CAPZA1: variants seen among roughly 807,000 people sequenced by gnomAD.
CAPZA1 encodes the protein capping actin protein of muscle Z-line subunit alpha 1.
Under a neutral mutation model 40.8 loss-of-function variants are expected in CAPZA1, and 10 were observed. The observed-to-expected ratio is 0.25, with a 90% confidence interval of 0.15 to 0.42. The LOEUF is 0.42. Ranked by LOEUF, CAPZA1 falls within the 10% of genes least tolerant of loss-of-function variation. CAPZA1 has a pLI of 1.00. For synonymous variants in CAPZA1, 98 were observed against 115.0 expected (o/e 0.85, Z 0.95); for missense variants, 277 against 353.8 (o/e 0.78, Z 1.74).
At chr1:112,632,489 G>T (rs1670939425) in intron 1 of CAPZA1, among the ~76,000 whole-genome samples, 1 of 152,004 alleles carries the variant, frequency 6.6e-6, no homozygotes, top group South Asian at 2.1e-4. Context: ...AGTAGGGAAT[G>T]AAGAACTTGA....
intron 7 of CAPZA1, among the ~76,000 whole-genome samples, chr1:112,662,947 T>C (rs933394538): frequency 1.3e-5 from 2 of 151,980 alleles, no homozygotes; most frequent in Admixed American, 6.6e-5. Context: ...TTTGTAATAA[T>C]TCCCCCCTGC....
chr1:112,624,186 A>C (rs1488302910), intron 1 of CAPZA1, among the ~76,000 whole-genome samples: 1 of 152,050 alleles, frequency 6.6e-6, no homozygotes, highest in African/African-American at 2.4e-5. Context: ...AAGTAGTGTA[A>C]ATTTGTCAGA....
chr1:112,639,387 G>A (rs567914572), intron 1 of CAPZA1, among the ~76,000 whole-genome samples: 77 of 152,186 alleles, frequency 5.1e-4, no homozygotes, highest in African/African-American at 1.8e-3. Context: ...ACTTGAACCC[G>A]AATTCAAATA....
intron 9 of CAPZA1, 122 bp from the exon 10 acceptor site, chr1:112,669,870 T>C (rs558190350): frequency 1.5e-4 from 159 of 1,083,778 alleles, no homozygotes; most frequent in Non-Finnish European, 2.1e-4. Flanking sequence ...TCATTGAAAA[T>C]AATATATCCT....
chr1:112,670,359 TTTC>T lies in CAPZA1; in HGVS notation c.*230_*232del. 2 of 336,462 alleles carry T rather than the reference TTTC, an allele frequency of 5.9e-6. No homozygotes were observed. The highest frequency in any genetic ancestry group is 1.0e-5 in the Non-Finnish European group (2 of 199,068). 20.8% of individuals were successfully genotyped at this position (336,462 alleles called of 1,614,324 possible). On this transcript the variant is annotated 3_prime_UTR_variant, in exon 10 of 10. Coordinates refer to ENST00000263168, the MANE Select transcript of CAPZA1 (RefSeq NM_006135.3). ...TGCTATATCTACGTGTAAATCTTTT[TTTC>T]TTTTTTTTTTTTTTTTTTTGGTTAA...
chr1:112,656,660 A>G (rs1236010394), intron 5 of CAPZA1, among the ~76,000 whole-genome samples: 4 of 151,812 alleles, frequency 2.6e-5, no homozygotes, highest in Admixed American at 6.6e-5. Flanking sequence ...TCCAGCACCA[A>G]ATAACCCTAC....
At chr1:112,628,613 A>G (rs377504157) in intron 1 of CAPZA1, among the ~76,000 whole-genome samples, 2 of 152,214 alleles carry the variant, frequency 1.3e-5, no homozygotes, top group South Asian at 4.1e-4. Flanking sequence ...ACCAAAACCA[A>G]GTCACGTCTT....
intron 6 of CAPZA1, 115 bp from the exon 7 acceptor site, chr1:112,659,586 C>CTTTTTTTT: frequency 2.0e-6 from 1 of 495,136 alleles, no homozygotes; most frequent in Non-Finnish European, 3.4e-6. Flanking sequence ...CTCTCTCTCT[C>CTTTTTTTT]TTTTTTTTTT....
At chr1:112,652,899 A>G (rs768264920) in intron 3 of CAPZA1, among the ~76,000 whole-genome samples, 1 of 151,718 alleles carries the variant, frequency 6.6e-6, no homozygotes, top group East Asian at 1.9e-4. Context: ...AATATTAGGC[A>G]TGTACTTTGA....
At chr1:112,628,842 G>C (rs1670865642) in intron 1 of CAPZA1, among the ~76,000 whole-genome samples, 2 of 152,134 alleles carry the variant, frequency 1.3e-5, no homozygotes, top group Non-Finnish European at 2.9e-5. Flanking sequence ...CAATCCACTT[G>C]TTGTCCACTG....
chr1:112,667,234 T>A, intron 8 of CAPZA1, 89 bp downstream of exon 8: 1 of 910,198 alleles, frequency 1.1e-6, no homozygotes. Flanking sequence ...ATTCTGCCAG[T>A]AGAAATTCAG....
intron 6 of CAPZA1, chr1:112,659,449 T>G (rs1038865234): frequency 1.9e-6 from 1 of 538,214 alleles, no homozygotes; most frequent in African/African-American, 1.9e-5. Flanking sequence ...GGTTTTCCAT[T>G]TCAAGGGAAA....
chr1:112,623,820 G>A (rs560049885), intron 1 of CAPZA1, among the ~76,000 whole-genome samples: 5 of 151,062 alleles, frequency 3.3e-5, no homozygotes, highest in Admixed American at 1.3e-4. Context: ...CCTGGCTAAC[G>A]CAGTGAAACA....
intron 1 of CAPZA1, among the ~76,000 whole-genome samples, chr1:112,630,479 G>A (rs1557727198): frequency 6.6e-6 from 1 of 152,074 alleles, no homozygotes. Flanking sequence ...GAGTAGCTGG[G>A]ATTACAGGCG....
At chr1:112,652,273 G>C (rs1034245425) in intron 3 of CAPZA1, among the ~76,000 whole-genome samples, 13 of 152,052 alleles carry the variant, frequency 8.5e-5, no homozygotes, top group Non-Finnish European at 2.9e-5. Context: ...CCTGAGGTTG[G>C]AAGTTCGAGA....
At position 112,670,139 on chromosome 1, in the gene CAPZA1, AATGTAGG is replaced by A; in HGVS notation, c.*10_*16del. ...AGAAATGCAGAATGCTTAAAGGCTG[AATGTAGG>A]ATTCTTCAGTATGTGGAAAGACAAG... is the stretch of plus-strand genomic sequence containing the variant. On this transcript the variant is annotated 3_prime_UTR_variant, in exon 10 of 10. Coordinates refer to ENST00000263168, the MANE Select transcript of CAPZA1 (RefSeq NM_006135.3). 6.2e-7 allele frequency: 1 copy of A among 1,613,822 alleles called. No homozygotes were observed. The highest frequency in any genetic ancestry group is 1.1e-5 in the South Asian group (1 of 91,076).
intron 3 of CAPZA1, among the ~76,000 whole-genome samples, chr1:112,653,327 CAGA>C (rs1250504510): frequency 1.3e-5 from 2 of 152,248 alleles, no homozygotes; most frequent in East Asian, 3.9e-4. Flanking sequence ...ATTGTCTAAG[CAGA>C]AGGTCTTTTG....
chr1:112,659,330 A>G, intron 6 of CAPZA1: 1 of 549,130 alleles, frequency 1.8e-6, no homozygotes, highest in East Asian at 3.0e-5. Flanking sequence ...TGCCCTGTTG[A>G]AAATCTGAGT....
chr1:112,666,408 A>G (rs910131595), intron 7 of CAPZA1, among the ~76,000 whole-genome samples: 1 of 152,228 alleles, frequency 6.6e-6, no homozygotes, highest in East Asian at 1.9e-4. Flanking sequence ...CAAGGTGACT[A>G]AACCTATCTT....
Sources: gnomAD v4.1 joint callset for allele counts (sites outside exome capture counted in the v4.1 genomes callset) on GRCh38, gnomAD v4.1.1 for gene constraint, MANE v1.5 for transcripts, NCBI Gene and HGNC (gene_info 2026-07-23, HGNC 2026-07-21) for gene names.